The following SCN10A variants were observed in gnomAD, a reference collection of about 807,000 sequenced individuals.
SCN10A encodes the protein sodium channel protein type 10 subunit alpha.
In SCN10A, 162 loss-of-function variants were observed where a neutral mutation model predicts 170.7. The observed-to-expected ratio is 0.95, with a 90% CI of 0.84 to 1.08. The LOEUF is 1.08. Ranked by LOEUF, SCN10A falls within the 50% of genes least tolerant of loss-of-function variation. The pLI is 0.00. For synonymous variants in SCN10A, 985 were observed against 904.6 expected (o/e 1.09, Z -1.59); for missense variants, 2,527 against 2,436.9 (o/e 1.04, Z -0.78).
chr3:38,699,343 T>C lies in SCN10A; in HGVS notation c.4658-781A>G, dbSNP rs1239405489. Among the ~76,000 whole-genome samples the C allele has an allele frequency of 4.6e-5, 7 of 152,018 alleles. No individual in the cohort carries two copies. In the South Asian group the frequency reaches 8.3e-4, roughly 18 times the overall value. Reference sequence around the variant, plus strand: ...TATAAAGAATGTATATGTCCCTCTATATGATGTCTAACTTGAAGATGTTTG... The same window carrying C: ...TATAAAGAATGTATATGTCCCTCTACATGATGTCTAACTTGAAGATGTTTG... On this transcript the variant is annotated intron_variant, in intron 27 of 27. Coordinates refer to ENST00000449082, the MANE Select transcript of SCN10A (RefSeq NM_006514.4).
chr3:38,746,130 C>A (rs2063688031), intron 13 of SCN10A, among the ~76,000 whole-genome samples: 1 of 132,086 alleles, frequency 7.6e-6, no homozygotes, highest in African/African-American at 2.8e-5. Flanking sequence ...TTCTAGACCC[C>A]TATATCCTAA....
chr3:38,784,345 G>A lies in SCN10A; in HGVS notation c.470+4611C>T, dbSNP rs767274571. Among the ~76,000 whole-genome samples, 27 of 152,156 alleles carry A rather than the reference G, an allele frequency of 1.8e-4. 1 individual carries two copies. Among genetic ancestry groups the A allele is most frequent in the Admixed American group, 9.8e-4 (15 of 15,248 alleles). On this transcript the variant is annotated intron_variant, in intron 4 of 27. Transcript: ENST00000449082. ...GTTCAACATACGCAAGTCAATAAAC[G>A]TAATCCATCACACAAACAGAACCAA...
intron 27 of SCN10A, among the ~76,000 whole-genome samples, chr3:38,699,199 T>G (rs9851471): frequency 0.1 from 633 of 6,242 alleles, 3 homozygotes; most frequent in Middle Eastern, 0.29. Context: ...CCTTAATTTG[T>G]TTTTTTTTTT....
At chr3:38,808,748 T>C (rs1002378453) in intron 1 of SCN10A, among the ~76,000 whole-genome samples, 1 of 152,194 alleles carries the variant, frequency 6.6e-6, no homozygotes, top group Non-Finnish European at 1.5e-5. Flanking sequence ...ACTGGCCTTC[T>C]CTTGTGAAGA....
chr3:38,778,725 G>A (rs1391348788), intron 4 of SCN10A, among the ~76,000 whole-genome samples: 2 of 151,932 alleles, frequency 1.3e-5, no homozygotes, highest in Non-Finnish European at 2.9e-5. Context: ...CTATCCCAAG[G>A]ACATTTATTA....
Position 38,760,728 on chromosome 3 carries a change from C to T in SCN10A, c.903G>A (p.Lys301=), listed in dbSNP as rs750691811. Reference sequence around the variant, plus strand: ...ACAGTAAGGGGTCAGAAGTGCCTCGCTTATTTATGTAGATATCTGCTGAAG... The same window carrying T: ...ACAGTAAGGGGTCAGAAGTGCCTCGTTTATTTATGTAGATATCTGCTGAAG... ...SHRKPDIYIN[K]RGTSDPLLCG... Residue 301 remains lysine, a synonymous_variant, in exon 8 of 28, where the codon AAG becomes AAA. Transcript: ENST00000449082. The T allele has an allele frequency of 4.8e-5, 77 of 1,613,908 alleles. No individual in the cohort carries two copies. The Middle Eastern group carries it at 8.2e-4, about 17-fold the overall frequency.
intron 4 of SCN10A, among the ~76,000 whole-genome samples, chr3:38,783,382 C>T (rs953911836): frequency 6.6e-6 from 1 of 152,006 alleles, no homozygotes; most frequent in Non-Finnish European, 1.5e-5. Flanking sequence ...ATGCTTTTTA[C>T]TTCATAAGTA....
chr3:38,697,583 C>T lies in SCN10A; in HGVS notation c.5637G>A (p.Val1879=), dbSNP rs769697350. ...ATGCAGCCTCCTCCTCAGCTCTGGGCACACATGGGGTGTTAGAGAGTGCCA... is the reference window on the plus strand; with the variant it reads ...ATGCAGCCTCCTCCTCAGCTCTGGGTACACATGGGGTGTTAGAGAGTGCCA... ...RSMALSNTPC[V]PRAEEEAASL... is the part of the protein sequence containing the mutation. The change falls in exon 28 of 28, where the codon GTG becomes GTA. Residue 1879 remains valine (V), a synonymous_variant. Coordinates refer to ENST00000449082, the MANE Select transcript of SCN10A (RefSeq NM_006514.4). 5.6e-6 allele frequency: 9 copies of T among 1,614,188 alleles called. No individual in the cohort carries two copies. The highest frequency in any genetic ancestry group is 1.6e-4 in the Middle Eastern group (1 of 6,062).
At chr3:38,802,965 C>T (rs546370247) in intron 1 of SCN10A, among the ~76,000 whole-genome samples, 2 of 152,232 alleles carry the variant, frequency 1.3e-5, no homozygotes, top group East Asian at 3.9e-4. Flanking sequence ...AAAAAACAAA[C>T]AACCCCATCA....
At chr3:38,811,669 C>T (rs11717588) in intron 1 of SCN10A, among the ~76,000 whole-genome samples, 17,665 of 152,186 alleles carry the variant, frequency 0.12, 1,180 homozygotes, top group Middle Eastern at 0.2. Context: ...ATGTGCAACT[C>T]TTCCAACCAA....
chr3:38,755,820 G>A lies in SCN10A; in HGVS notation c.1429C>T (p.Pro477Ser). The A allele has an allele frequency of 6.2e-7, 1 of 1,614,024 alleles. No individual in the cohort carries two copies. Among genetic ancestry groups the A allele is most frequent in the Non-Finnish European group, 8.5e-7 (1 of 1,180,024 alleles). ...CGCTGGTTGTAAGGATCAGAGCGGG[G>A]TGATTTGTTGTCTTCTGTGGAGCCC... ...SEGSTEDNKS[P>S]RSDPYNQRRM... Residue 477 changes from proline to serine, a missense_variant, in exon 11 of 28, where the codon CCC becomes TCC. Coordinates refer to ENST00000449082, the MANE Select transcript of SCN10A (RefSeq NM_006514.4).
At chr3:38,724,267 C>A (rs1056854605) in intron 18 of SCN10A, among the ~76,000 whole-genome samples, 7 of 152,168 alleles carry the variant, frequency 4.6e-5, no homozygotes, top group Non-Finnish European at 7.3e-5. Context: ...AGCTGACATT[C>A]TTCAAGCTGA....
chr3:38,703,906 G>C (rs1482772828), intron 26 of SCN10A, among the ~76,000 whole-genome samples: 1 of 152,204 alleles, frequency 6.6e-6, no homozygotes, highest in African/African-American at 2.4e-5. Context: ...TGTCTGCATA[G>C]TGCCTGGCTG....
chr3:38,710,841 C>T lies in SCN10A; in HGVS notation c.4143+3G>A, dbSNP rs1219287348. The stretch of plus-strand genomic sequence containing the variant: ...GCTGTAGGGACAGTGGGCTGAGACT[C>T]ACCTCCCGGGAATCAACAGCTGCAT... On this transcript the variant is annotated splice_donor_region_variant and intron_variant, in intron 24 of 27. Coordinates refer to ENST00000449082, the MANE Select transcript of SCN10A (RefSeq NM_006514.4). The T allele has an allele frequency of 6.2e-7, 1 of 1,613,282 alleles. No individual in the cohort carries two copies. Among genetic ancestry groups the T allele is most frequent in the Admixed American group, 1.7e-5 (1 of 59,916 alleles).
In SCN10A at chr3:38,722,373, G is replaced by T. The variant is rs749868817; in HGVS notation, c.3392C>A (p.Thr1131Asn). ...RHCPCCKLDTTKSPWDVGWQV... is the reference protein window; with the variant it reads ...RHCPCCKLDTNKSPWDVGWQV... ...CCAGCCCACATCCCATGGACTCTTG[G>T]TGGTATCCAGTTTGCAGCAGGGACA... Residue 1131 changes from threonine (T) to asparagine (N), a missense_variant, in exon 20 of 28, where the codon ACC becomes AAC. By Grantham distance (65) the Thr-to-Asn change is moderately conservative. Transcript: ENST00000449082. 1 of 1,614,094 alleles carries T rather than the reference G, an allele frequency of 6.2e-7. No individual in the cohort carries two copies. Among genetic ancestry groups the T allele is most frequent in the Non-Finnish European group, 8.5e-7 (1 of 1,180,000 alleles).
chr3:38,736,548 C>T (rs140226239), intron 15 of SCN10A, among the ~76,000 whole-genome samples: 117 of 152,222 alleles, frequency 7.7e-4, no homozygotes, highest in African/African-American at 2.7e-3. Flanking sequence ...GCATTTCTCA[C>T]AGCTCAGGTG....
intron 6 of SCN10A, among the ~76,000 whole-genome samples, chr3:38,762,587 G>A (rs1003937655): frequency 4.6e-5 from 7 of 152,064 alleles, no homozygotes; most frequent in African/African-American, 1.7e-4. Context: ...GGAGAGGTGA[G>A]AGATGAGGCA....
intron 15 of SCN10A, among the ~76,000 whole-genome samples, chr3:38,731,381 T>C (rs2063511917): frequency 6.6e-6 from 1 of 152,182 alleles, no homozygotes; most frequent in African/African-American, 2.4e-5. Context: ...AAGTAATATG[T>C]AATGTGTAAT....
intron 1 of SCN10A, among the ~76,000 whole-genome samples, chr3:38,797,350 C>T (rs2064346664): frequency 6.6e-6 from 1 of 152,184 alleles, no homozygotes; most frequent in Non-Finnish European, 1.5e-5. Context: ...GAGGAGCACT[C>T]ACTGCTCTGA....
Sources: gnomAD v4.1 joint callset for allele counts (sites outside exome capture counted in the v4.1 genomes callset) on GRCh38, gnomAD v4.1.1 for gene constraint, MANE v1.5 for transcripts, NCBI Gene and HGNC (gene_info 2026-07-23, HGNC 2026-07-21) for gene names.